The following ADAM12 variants were observed in gnomAD, a reference collection of about 807,000 sequenced individuals.
The protein encoded by ADAM12 is ADAM metallopeptidase domain 12.
Under a neutral mutation model 106.4 loss-of-function variants are expected in ADAM12, and 70 were observed. The ratio of observed to expected loss-of-function variants is 0.66; its 90% CI spans 0.54 to 0.80. The LOEUF is 0.80. Ranked by LOEUF, ADAM12 falls within the 30% of genes least tolerant of loss-of-function variation. The pLI is 0.00. For missense variants in ADAM12, 1,010 were observed against 1,171.9 expected, an observed-to-expected ratio of 0.86 and a Z score of 2.02; for synonymous variants, 420 against 433.5, an observed-to-expected ratio of 0.97 and a Z score of 0.39.
intron 5 of ADAM12, among the ~76,000 whole-genome samples, chr10:126,120,493 T>G (rs1956065472): frequency 6.6e-6 from 1 of 152,202 alleles, no homozygotes; most frequent in South Asian, 2.1e-4. Context: ...CAACGGTTTA[T>G]GACAAAAGTC....
At chr10:126,114,978 C>G (rs989744900) in intron 6 of ADAM12, among the ~76,000 whole-genome samples, 2 of 152,204 alleles carry the variant, frequency 1.3e-5, no homozygotes, top group African/African-American at 4.8e-5. Context: ...ACAAATACCC[C>G]ACCACTACTG....
intron 1 of ADAM12, among the ~76,000 whole-genome samples, chr10:126,347,848 C>T (rs375391949): frequency 2.0e-5 from 3 of 152,318 alleles, no homozygotes; most frequent in African/African-American, 7.2e-5. Context: ...TTCTGGGTCA[C>T]CCTGAATCCT....
chr10:126,169,828 C>T (rs1957087755), intron 3 of ADAM12, among the ~76,000 whole-genome samples: 1 of 152,208 alleles, frequency 6.6e-6, no homozygotes, highest in African/African-American at 2.4e-5. Context: ...ACCTTTGACT[C>T]CTTGGACACA....
intron 2 of ADAM12, among the ~76,000 whole-genome samples, chr10:126,281,880 AG>A (rs1448170914): frequency 6.6e-6 from 1 of 152,246 alleles, no homozygotes; most frequent in Admixed American, 6.5e-5. Context: ...TAATTGGGAA[AG>A]TACATCCAAG....
chr10:126,072,154 G>A (rs924876172), intron 11 of ADAM12, among the ~76,000 whole-genome samples: 7 of 152,150 alleles, frequency 4.6e-5, no homozygotes, highest in African/African-American at 1.4e-4. Flanking sequence ...TGGCATTCAG[G>A]TCTATAAAGG....
At chr10:126,096,809 T>G (rs1955566715) in intron 10 of ADAM12, among the ~76,000 whole-genome samples, 1 of 152,260 alleles carries the variant, frequency 6.6e-6, no homozygotes, top group African/African-American at 2.4e-5. Flanking sequence ...TGATGTTAAC[T>G]GCTGTCAAAT....
At chr10:126,065,781 C>T (rs183101629) in intron 13 of ADAM12, among the ~76,000 whole-genome samples, 11 of 152,296 alleles carry the variant, frequency 7.2e-5, no homozygotes, top group South Asian at 2.1e-4. Context: ...CACAATCAGG[C>T]ATTGCCCTGT....
In ADAM12 at chr10:126,049,352, T is replaced by C; in HGVS notation, c.1818A>G (p.Gln606=). 6.2e-7 allele frequency: 1 copy of C among 1,614,192 alleles called. No homozygotes were observed. Among genetic ancestry groups the C allele is most frequent in the East Asian group, 2.2e-5 (1 of 44,876 alleles). ...VSIETNIPLQ[Q]GGRILCRGTH... ...TCCCCCGGCACAGAATCCGGCCTCC[T>C]TGCTGCAGGGGGATGTTTGTTTCTA... is the stretch of plus-strand genomic sequence containing the variant. Residue 606 remains glutamine, a synonymous_variant, in exon 16 of 23, where the codon CAA becomes CAG. Transcript: ENST00000448723. This position sits in a 1 kb window ranked among gnomAD's most constrained non-coding sequence, Gnocchi z 4.4.
At chr10:126,086,112 T>C (rs562477975) in intron 11 of ADAM12, among the ~76,000 whole-genome samples, 82 of 152,272 alleles carry the variant, frequency 5.4e-4, no homozygotes, top group Non-Finnish European at 1.0e-3. Context: ...CAGGAAAGCA[T>C]TCTCTGCTGT....
At chr10:126,354,660 T>C (rs1425234384) in intron 1 of ADAM12, among the ~76,000 whole-genome samples, 1 of 152,208 alleles carries the variant, frequency 6.6e-6, no homozygotes, top group Non-Finnish European at 1.5e-5. Flanking sequence ...TAATGTTTAA[T>C]GCCAAGAACA....
At chr10:126,332,787 G>A (rs986463354) in intron 1 of ADAM12, among the ~76,000 whole-genome samples, 5 of 152,184 alleles carry the variant, frequency 3.3e-5, no homozygotes, top group East Asian at 1.9e-4. Flanking sequence ...GGGACGCATC[G>A]GCCGGTTTCA....
At chr10:126,098,610 T>G (rs1590406014) in intron 9 of ADAM12, 110 bp from the exon 10 acceptor site, 1 of 903,384 alleles carries the variant, frequency 1.1e-6, no homozygotes, top group East Asian at 2.5e-5. Flanking sequence ...AAAATAAAAA[T>G]AGCTGTATGA....
intron 21 of ADAM12, among the ~76,000 whole-genome samples, chr10:126,028,249 G>A (rs573999308): frequency 2.0e-5 from 3 of 151,960 alleles, no homozygotes; most frequent in Admixed American, 2.0e-4. Context: ...TGGCCATACT[G>A]CCCAAATAGA....
At chr10:126,218,679 A>T (rs2133848761) in intron 3 of ADAM12, among the ~76,000 whole-genome samples, 1 of 152,306 alleles carries the variant, frequency 6.6e-6, no homozygotes, top group Admixed American at 6.5e-5. Context: ...ATCCCACAAC[A>T]CTGGCTTCAT....
rs575506625 is a variant in ADAM12, at chr10:126,271,699, A to G, written c.260+7216T>C. ...AGGATCACCTGAGCCCAGAGCAGTC[A>G]AGGCTGCAGTGAGCTGTGATTCCAC... On this transcript the variant is annotated intron_variant, in intron 3 of 22. Coordinates refer to ENST00000448723, the MANE Select transcript of ADAM12 (RefSeq NM_001288973.2). Among the ~76,000 whole-genome samples, 25 of 152,356 alleles carry G rather than the reference A, an allele frequency of 1.6e-4. 1 individual carries two copies. The South Asian group carries it at 4.6e-3, about 28-fold the overall frequency.
At chr10:126,359,681 C>A (rs1039606870) in intron 1 of ADAM12, among the ~76,000 whole-genome samples, 2 of 152,326 alleles carry the variant, frequency 1.3e-5, no homozygotes, top group Non-Finnish European at 2.9e-5. Context: ...CTCCTGGCTA[C>A]TTTCACGGGC....
intron 11 of ADAM12, among the ~76,000 whole-genome samples, chr10:126,091,852 C>T (rs771539757): frequency 1.2e-4 from 19 of 152,068 alleles, no homozygotes; most frequent in Admixed American, 3.9e-4. Context: ...TTCCTCCCCA[C>T]GAGCACAGGG....
chr10:126,357,250 A>T (rs139311529), intron 1 of ADAM12, among the ~76,000 whole-genome samples: 1,994 of 152,208 alleles, frequency 0.013, 21 homozygotes, highest in Middle Eastern at 0.034. Context: ...TCTCAATATG[A>T]CTATCAGTGC....
At chr10:126,234,566 A>G (rs1475324308) in intron 3 of ADAM12, among the ~76,000 whole-genome samples, 1 of 152,214 alleles carries the variant, frequency 6.6e-6, no homozygotes, top group Non-Finnish European at 1.5e-5. Context: ...TGAGTTGGGT[A>G]TGGAGGAGGA....
Sources: gnomAD v4.1 joint callset for allele counts (sites outside exome capture counted in the v4.1 genomes callset) on GRCh38, gnomAD v4.1.1 for gene constraint, Gnocchi (gnomAD v3.1) non-coding constraint, MANE v1.5 for transcripts, NCBI Gene and HGNC (gene_info 2026-07-23, HGNC 2026-07-21) for gene names.